The following TLK1 variants were observed in gnomAD, a reference collection of about 807,000 sequenced individuals.
TLK1 encodes the protein serine/threonine-protein kinase tousled-like 1.
In TLK1, 24 loss-of-function variants were observed where a neutral mutation model predicts 105.3. The ratio of observed to expected loss-of-function variants is 0.23; its 90% CI spans 0.17 to 0.32. The LOEUF is 0.32. Ranked by LOEUF, TLK1 falls within the 10% of genes least tolerant of loss-of-function variation. The probability of loss-of-function intolerance (pLI) is 1.00; values close to 1 mark genes in which losing one functional copy is unlikely to be tolerated. For synonymous variants in TLK1, 321 were observed against 310.4 expected (o/e 1.03, Z -0.36); for missense variants, 558 against 910.5 (o/e 0.61, Z 4.98).
At chr2:171,027,022 T>C (rs975509186) in intron 12 of TLK1, among the ~76,000 whole-genome samples, 1 of 152,180 alleles carries the variant, frequency 6.6e-6, no homozygotes, top group Non-Finnish European at 1.5e-5. Context: ...GCAGTTGGCA[T>C]AGACAGATAT....
At chr2:171,194,870 A>C (rs1236981919) in intron 1 of TLK1, among the ~76,000 whole-genome samples, 3 of 152,056 alleles carry the variant, frequency 2.0e-5, no homozygotes, top group Non-Finnish European at 2.9e-5. Flanking sequence ...TTTTTCATTA[A>C]GAGAAAAATT....
chr2:171,027,667 C>T (rs1685839119), intron 12 of TLK1, among the ~76,000 whole-genome samples: 1 of 152,104 alleles, frequency 6.6e-6, no homozygotes, highest in Non-Finnish European at 1.5e-5. Context: ...ATGAAATGAA[C>T]ATAAACAATA....
intron 12 of TLK1, among the ~76,000 whole-genome samples, chr2:171,015,570 A>G (rs1391276788): frequency 6.6e-6 from 1 of 152,068 alleles, no homozygotes; most frequent in Non-Finnish European, 1.5e-5. Flanking sequence ...TCTTAAAGAA[A>G]TTTAATAATC....
At chr2:171,006,768 T>G (rs530199092) in intron 16 of TLK1, 32 bp downstream of exon 16, 5 of 1,599,996 alleles carry the variant, frequency 3.1e-6, no homozygotes, top group Non-Finnish European at 4.3e-6. Context: ...AGCATATCTT[T>G]CCTTAAAAAT....
chr2:171,000,016 C>G (rs1226510821), intron 18 of TLK1, among the ~76,000 whole-genome samples: 1 of 152,042 alleles, frequency 6.6e-6, no homozygotes, highest in Non-Finnish European at 1.5e-5. Flanking sequence ...CTGCTGGGAT[C>G]AGAGGCATGA....
intron 1 of TLK1, among the ~76,000 whole-genome samples, chr2:171,206,477 T>C (rs976878614): frequency 1.3e-5 from 2 of 152,116 alleles, no homozygotes; most frequent in Non-Finnish European, 2.9e-5. Flanking sequence ...CAATACAATC[T>C]CTACCCCTTG....
Position 171,059,902 on chromosome 2 carries a change from T to C in TLK1, c.406+1179A>G, listed in dbSNP as rs765514736. On this transcript the variant is annotated intron_variant, in intron 4 of 20. Coordinates refer to ENST00000431350, the MANE Select transcript of TLK1 (RefSeq NM_012290.5). ...ACAGGAGGCCGAGCTTAGGCGGTAA[T>C]GCTCACTGGCCCGCTGCTCACCTCC... The C allele has an allele frequency of 4.1e-6, 5 of 1,205,322 alleles. No individual in the cohort carries two copies. In the Admixed American group the frequency reaches 8.4e-5, roughly 20 times the overall value. 74.7% of individuals were successfully genotyped at this position (1,205,322 alleles called of 1,614,324 possible). A position where few individuals can be genotyped will look rare whatever the true frequency, so the allele number is the denominator to read the frequency against.
At position 171,064,198 on chromosome 2, in the gene TLK1, AT is replaced by A. The variant is rs1687885138; in HGVS notation, c.331-3043del. Reference sequence around the variant, plus strand: ...AAAAAGGGTAACAGGACTAAAATTAATTTTAAGACTGTTGTGCCCCAGAAGT... The same window carrying A: ...AAAAAGGGTAACAGGACTAAAATTAATTTAAGACTGTTGTGCCCCAGAAGT... On this transcript the variant is annotated intron_variant, in intron 3 of 20. Transcript: ENST00000431350. Among the ~76,000 whole-genome samples the A allele has an allele frequency of 5.3e-5, 8 of 152,320 alleles. No homozygotes were observed. The South Asian group carries it at 1.7e-3, about 32-fold the overall frequency.
intron 1 of TLK1, among the ~76,000 whole-genome samples, chr2:171,213,556 T>A (rs779611943): frequency 6.6e-6 from 1 of 151,352 alleles, no homozygotes; most frequent in Non-Finnish European, 1.5e-5. Context: ...CGGTGGCTCA[T>A]TCCTATAATC....
intron 4 of TLK1, among the ~76,000 whole-genome samples, chr2:171,058,530 C>T (rs1687606830): frequency 6.6e-6 from 1 of 152,056 alleles, no homozygotes; most frequent in Admixed American, 6.5e-5. Flanking sequence ...TTATACAAAC[C>T]ATAACATGAT....
intron 1 of TLK1, among the ~76,000 whole-genome samples, chr2:171,183,397 C>T (rs932279531): frequency 3.3e-5 from 5 of 152,248 alleles, no homozygotes; most frequent in African/African-American, 1.2e-4. Flanking sequence ...ATTCCTAATA[C>T]TCCCTGATAG....
intron 11 of TLK1, among the ~76,000 whole-genome samples, chr2:171,036,723 G>C (rs1686359161): frequency 6.6e-6 from 1 of 152,098 alleles, no homozygotes; most frequent in Admixed American, 6.5e-5. Context: ...TGTGTCTCAG[G>C]GTGGATTATA....
At chr2:171,147,022 C>T (rs1396207623) in intron 1 of TLK1, among the ~76,000 whole-genome samples, 3 of 152,162 alleles carry the variant, frequency 2.0e-5, no homozygotes, top group Non-Finnish European at 2.9e-5. Context: ...GAATATAACA[C>T]CTTGATATAG....
intron 12 of TLK1, chr2:171,023,109 G>C (rs1452144171): frequency 6.4e-6 from 3 of 471,036 alleles, no homozygotes; most frequent in African/African-American, 4.0e-5. Context: ...CAGTGGCAGA[G>C]TTGTTGCTAT....
intron 1 of TLK1, among the ~76,000 whole-genome samples, chr2:171,189,706 G>A (rs573396898): frequency 1.3e-5 from 2 of 152,176 alleles, no homozygotes; most frequent in Non-Finnish European, 2.9e-5. Context: ...GTACCAAGAA[G>A]TCTGAAGATA....
intron 1 of TLK1, among the ~76,000 whole-genome samples, chr2:171,226,971 G>C (rs1366935122): frequency 1.3e-5 from 2 of 152,100 alleles, no homozygotes; most frequent in Non-Finnish European, 2.9e-5. Flanking sequence ...AATTTCAGTG[G>C]CTACCATGAG....
intron 4 of TLK1, among the ~76,000 whole-genome samples, chr2:171,058,711 C>T (rs1015324446): frequency 1.3e-5 from 2 of 152,210 alleles, no homozygotes; most frequent in South Asian, 2.1e-4. Flanking sequence ...TTAGAGATCA[C>T]GCTATTTTTT....
intron 11 of TLK1, chr2:171,045,435 AAT>A: frequency 3.0e-4 from 1 of 3,382 alleles, no homozygotes; most frequent in Non-Finnish European, 0.01. Flanking sequence ...TCTCTCTGAG[AAT>A]TTACTGACCT....
intron 19 of TLK1, 128 bp from the exon 20 acceptor site, chr2:170,996,888 TATTTGAAACCTGAGATGAATTCTCATACA>T (rs1381543167): frequency 9.3e-6 from 7 of 756,064 alleles, no homozygotes; most frequent in Middle Eastern, 3.8e-4. Flanking sequence ...CTTCCTCAGT[TATTTGAAACCTGAGATGAATTCTCATACA>T]AACAAGCTAT....
Sources: allele counts gnomAD v4.1 joint callset (sites outside exome capture counted in the v4.1 genomes callset), GRCh38; gene constraint gnomAD v4.1.1; transcripts MANE v1.5; gene names NCBI Gene and HGNC (gene_info 2026-07-23, HGNC 2026-07-21).